NCKAP5: variants seen among roughly 807,000 people sequenced by gnomAD.
NCKAP5 encodes NCK associated protein 5.
A neutral mutation model predicts 167.0 loss-of-function variants in NCKAP5; 92 were observed. That is an observed-to-expected ratio of 0.55 (90% CI 0.47 to 0.66). NCKAP5 has a LOEUF of 0.66. Ranked by LOEUF, NCKAP5 falls within the 30% of genes least tolerant of loss-of-function variation. NCKAP5 has a pLI of 0.00. For missense variants in NCKAP5, 2,378 were observed against 2,315.0 expected (o/e 1.03, Z -0.56); for synonymous variants, 891 against 877.4 (o/e 1.02, Z -0.27).
chr2:133,458,684 A>G (rs1692006490), intron 3 of NCKAP5, among the ~76,000 whole-genome samples: 1 of 152,164 alleles, frequency 6.6e-6, no homozygotes, highest in Admixed American at 6.5e-5. Flanking sequence ...ATACACCTCC[A>G]GAAAAGTTAT....
chr2:132,972,280 T>A, intron 7 of NCKAP5, among the ~76,000 whole-genome samples: 1 of 152,196 alleles, frequency 6.6e-6, no homozygotes, highest in East Asian at 1.9e-4. Context: ...CACTATCTTA[T>A]GATTGTTCCT....
intron 6 of NCKAP5, among the ~76,000 whole-genome samples, chr2:133,092,143 A>G (rs574435019): frequency 6.6e-6 from 1 of 152,286 alleles, no homozygotes; most frequent in South Asian, 2.1e-4. Context: ...ACAAATATGA[A>G]TTTATTTGGA....
intron 3 of NCKAP5, among the ~76,000 whole-genome samples, chr2:133,308,167 C>T (rs1015880033): frequency 7.0e-6 from 1 of 143,706 alleles, no homozygotes; most frequent in Non-Finnish European, 1.5e-5. Flanking sequence ...CGGCTCACTG[C>T]AAGCTCCGCC....
At chr2:133,082,536 C>T (rs980861331) in intron 6 of NCKAP5, among the ~76,000 whole-genome samples, 4 of 152,162 alleles carry the variant, frequency 2.6e-5, no homozygotes, top group African/African-American at 9.7e-5. Context: ...GACCTGGGAC[C>T]TCCTTCCTGT....
intron 15 of NCKAP5, among the ~76,000 whole-genome samples, chr2:132,776,051 AATTT>A (rs1157970815): frequency 6.6e-6 from 1 of 152,182 alleles, no homozygotes; most frequent in Non-Finnish European, 1.5e-5. Context: ...GAGGGTTAAT[AATTT>A]ATTCAAAGTC....
chr2:133,007,170 T>C (rs578244462), intron 6 of NCKAP5, among the ~76,000 whole-genome samples: 5 of 152,312 alleles, frequency 3.3e-5, no homozygotes, highest in African/African-American at 1.2e-4. Flanking sequence ...ACAGATCACA[T>C]TTCCTGAGCC....
intron 3 of NCKAP5, among the ~76,000 whole-genome samples, chr2:133,486,242 C>T (rs1680893571): frequency 6.6e-6 from 1 of 152,212 alleles, no homozygotes; most frequent in South Asian, 2.1e-4. Flanking sequence ...AGTGACTATA[C>T]TAAATGCTGA....
At chr2:133,444,569 C>G (rs371603359) in intron 3 of NCKAP5, among the ~76,000 whole-genome samples, 117 of 152,264 alleles carry the variant, frequency 7.7e-4, no homozygotes, top group Non-Finnish European at 1.4e-3. Context: ...TATCCCAGCA[C>G]GGTGTTAAAA....
At chr2:133,573,673 T>A in the NCKAP5 span, among the ~76,000 whole-genome samples, 1 of 152,204 alleles carries the variant, frequency 6.6e-6, no homozygotes, top group Admixed American at 6.5e-5. Context: ...AGGATTTTAT[T>A]TCAGCCTCCT....
At chr2:133,507,648 A>G (rs781576653) in intron 3 of NCKAP5, among the ~76,000 whole-genome samples, 4 of 152,236 alleles carry the variant, frequency 2.6e-5, no homozygotes, top group Non-Finnish European at 4.4e-5. Flanking sequence ...AGTGTATAAA[A>G]GGACAGAATG....
intron 5 of NCKAP5, among the ~76,000 whole-genome samples, chr2:133,195,152 C>A (rs2085384668): frequency 6.6e-6 from 1 of 152,100 alleles, no homozygotes; most frequent in Non-Finnish European, 1.5e-5. Context: ...ACGAACTCTG[C>A]AGTGTAGCTA....
intron 4 of NCKAP5, among the ~76,000 whole-genome samples, chr2:133,275,476 T>A (rs570704443): frequency 6.6e-6 from 1 of 152,184 alleles, no homozygotes; most frequent in African/African-American, 2.4e-5. Flanking sequence ...TTCTGGAAAG[T>A]ATAACCATTA....
chr2:132,936,803 A>C (rs1202959044), intron 8 of NCKAP5, among the ~76,000 whole-genome samples: 2 of 152,196 alleles, frequency 1.3e-5, no homozygotes, highest in Non-Finnish European at 2.9e-5. Context: ...TTACTTTCTA[A>C]AATGCATATG....
At chr2:133,393,408 G>A (rs1423475003) in intron 3 of NCKAP5, among the ~76,000 whole-genome samples, 2 of 152,218 alleles carry the variant, frequency 1.3e-5, no homozygotes, top group African/African-American at 2.4e-5. Context: ...CTGCCTGGTA[G>A]CCATCACTAG....
chr2:133,289,173 GC>G (rs1422001653), intron 4 of NCKAP5, among the ~76,000 whole-genome samples: 7 of 152,124 alleles, frequency 4.6e-5, no homozygotes, highest in Non-Finnish European at 1.0e-4. Flanking sequence ...TTAAATACCA[GC>G]CCCAACTGGA....
intron 9 of NCKAP5, among the ~76,000 whole-genome samples, chr2:132,870,283 G>C (rs1292829758): frequency 6.6e-6 from 1 of 152,078 alleles, no homozygotes; most frequent in African/African-American, 2.4e-5. Flanking sequence ...CTATTACCTT[G>C]AAGCTATGTA....
At chr2:133,464,364 A>G (rs532970808) in intron 3 of NCKAP5, among the ~76,000 whole-genome samples, 1 of 152,322 alleles carries the variant, frequency 6.6e-6, no homozygotes, top group East Asian at 1.9e-4. Context: ...CCTAGGTACA[A>G]AAATGTTCAG....
At position 133,135,380 on chromosome 2, in the gene NCKAP5, A is replaced by T. The variant is rs568817309; in HGVS notation, c.208-5269T>A. ...GCTGGAAGCTGGTGAGCCAGGGGAC[A>T]GGAGTGGCATAGGACGCAGGTGGAA... On this transcript the variant is annotated intron_variant, in intron 5 of 19. Coordinates refer to ENST00000409261, the MANE Select transcript of NCKAP5 (RefSeq NM_207363.3). Among the ~76,000 whole-genome samples, 13 of 152,254 alleles carry T rather than the reference A, an allele frequency of 8.5e-5. 1 individual carries two copies. In the South Asian group the frequency reaches 2.7e-3, roughly 32 times the overall value.
At chr2:133,233,515 A>T (rs899517452) in intron 4 of NCKAP5, among the ~76,000 whole-genome samples, 4 of 152,220 alleles carry the variant, frequency 2.6e-5, no homozygotes, top group African/African-American at 4.8e-5. Context: ...ATATATAAAC[A>T]TCTATATTCT....
Sources: allele counts gnomAD v4.1 joint callset (sites outside exome capture counted in the v4.1 genomes callset), GRCh38; gene constraint gnomAD v4.1.1; transcripts MANE v1.5; gene names NCBI Gene and HGNC (gene_info 2026-07-23, HGNC 2026-07-21).